Variants in IST1 observed in about 807,000 individuals in gnomAD.
IST1 encodes IST1 homolog.
IST1 carries 23 observed loss-of-function variants against 37.0 expected under a neutral mutation model. The observed-to-expected ratio is 0.62, with a 90% CI of 0.45 to 0.88. The LOEUF (loss-of-function observed/expected upper bound fraction) is 0.88. Among genes scored for constraint, IST1 ranks in the 40% least tolerant of loss-of-function variants. The pLI is 0.00. For missense variants in IST1, 488 were observed against 445.4 expected (o/e 1.10, Z -0.86); for synonymous variants, 180 against 161.7 (o/e 1.11, Z -0.86).
At chr16:71,927,334 C>G (rs772383846) in intron 9 of IST1, among the ~76,000 whole-genome samples, 4 of 151,908 alleles carry the variant, frequency 2.6e-5, no homozygotes, top group Admixed American at 1.3e-4. Flanking sequence ...ACTAAAAATA[C>G]AAAAATTAGC....
At chr16:71,897,133 C>T (rs1443561820) in intron 1 of IST1, among the ~76,000 whole-genome samples, 1 of 150,170 alleles carries the variant, frequency 6.7e-6, no homozygotes, top group African/African-American at 2.4e-5. Flanking sequence ...CCCGCCCCAG[C>T]CTTGGGAGTA....
At chr16:71,918,021 T>C (rs1445925298) in intron 4 of IST1, among the ~76,000 whole-genome samples, 2 of 152,166 alleles carry the variant, frequency 1.3e-5, no homozygotes, top group Admixed American at 1.3e-4. Context: ...CTCGTGTGCA[T>C]GGGTGGGTTT....
intron 6 of IST1, 28 bp from the exon 7 acceptor site, chr16:71,922,446 A>ATGACCTGGGTTTC: frequency 1.9e-6 from 3 of 1,599,776 alleles, no homozygotes; most frequent in Non-Finnish European, 2.6e-6. Flanking sequence ...ACATGGGTTA[A>ATGACCTGGGTTTC]TGACCTGGGT....
intron 9 of IST1, 71 bp from the exon 10 acceptor site, chr16:71,927,543 A>G (rs1050382464): frequency 7.4e-5 from 81 of 1,097,216 alleles, no homozygotes; most frequent in Non-Finnish European, 1.1e-4. Flanking sequence ...TGATCATTTT[A>G]TTTTTACTGC....
Position 71,928,010 on chromosome 16 carries a change from A to G in IST1, c.*197A>G, listed in dbSNP as rs911948299. 12 of 557,314 alleles carry G rather than the reference A, an allele frequency of 2.2e-5. No individual in the cohort carries two copies. The highest frequency in any genetic ancestry group is 3.8e-5 in the African/African-American group (2 of 52,762). 34.5% of individuals were successfully genotyped at this position (557,314 alleles called of 1,614,324 possible). A position where few individuals can be genotyped will look rare whatever the true frequency, so the allele number is the denominator to read the frequency against. ...TTGATCCTGAGACTAACAATTGGAGACTGAGGCCAGAGCAACTGGCTCCTG... is the reference window on the plus strand; with the variant it reads ...TTGATCCTGAGACTAACAATTGGAGGCTGAGGCCAGAGCAACTGGCTCCTG... On this transcript the variant is annotated 3_prime_UTR_variant, in exon 10 of 10. Coordinates refer to ENST00000378799, the MANE Select transcript of IST1 (RefSeq NM_001270975.2).
At chr16:71,909,740 C>G (rs1325588140) in intron 1 of IST1, among the ~76,000 whole-genome samples, 1 of 152,158 alleles carries the variant, frequency 6.6e-6, no homozygotes, top group Non-Finnish European at 1.5e-5. Flanking sequence ...TAAATGAAAA[C>G]TCGAGAATAA....
At chr16:71,907,918 A>T (rs997885817) in intron 1 of IST1, among the ~76,000 whole-genome samples, 2 of 152,140 alleles carry the variant, frequency 1.3e-5, no homozygotes, top group African/African-American at 4.8e-5. Flanking sequence ...AGAAGCAAGG[A>T]TTAGTTCTGA....
chr16:71,914,918 T>C (rs2037435505), intron 1 of IST1, among the ~76,000 whole-genome samples: 1 of 152,202 alleles, frequency 6.6e-6, no homozygotes, highest in Non-Finnish European at 1.5e-5. Flanking sequence ...CCTAAAGTCT[T>C]GCGGGTAGAG....
intron 7 of IST1, 127 bp downstream of exon 7, chr16:71,922,807 G>A: frequency 1.3e-6 from 1 of 743,456 alleles, no homozygotes; most frequent in South Asian, 1.8e-5. Context: ...GGTATTAGCT[G>A]GCAGTCATCT....
rs372077663 is a variant in IST1 at position 71,923,417 on chromosome 16, G to A, written c.852+37G>A. 116 of 1,325,116 alleles carry A rather than the reference G, an allele frequency of 8.8e-5. 1 individual carries two copies. Among genetic ancestry groups the A allele is most frequent in the South Asian group, 1.8e-4 (15 of 84,236 alleles). 82.1% of individuals were successfully genotyped at this position (1,325,116 alleles called of 1,614,324 possible). A position where few individuals can be genotyped will look rare whatever the true frequency, so the allele number is the denominator to read the frequency against. The stretch of plus-strand genomic sequence containing the variant: ...AGCCTCTTTTATAAGCAACAGGAGA[G>A]TGAATGCCATGAAGAGCGAGCAAAA... On this transcript the variant is annotated intron_variant, in intron 8 of 9. Coordinates refer to ENST00000378799, the MANE Select transcript of IST1 (RefSeq NM_001270975.2).
At chr16:71,914,212 G>A (rs1232798820) in intron 1 of IST1, among the ~76,000 whole-genome samples, 2 of 150,448 alleles carry the variant, frequency 1.3e-5, no homozygotes, top group East Asian at 3.9e-4. Flanking sequence ...TCCTCCAGGC[G>A]GGAGTGCACG....
intron 9 of IST1, among the ~76,000 whole-genome samples, chr16:71,926,085 C>T (rs2037735939): frequency 6.6e-6 from 1 of 152,044 alleles, no homozygotes; most frequent in African/African-American, 2.4e-5. Context: ...TGTTCAAGAC[C>T]AGGCTGGTCA....
chr16:71,895,401 T>A (rs369462352), upstream of IST1: 27 of 444,080 alleles, frequency 6.1e-5, 1 homozygote, highest in Admixed American at 9.6e-4. Flanking sequence ...CGAGGGAGGG[T>A]GCCCCGAGTC....
In IST1 at chr16:71,930,169, G is replaced by T. The variant is rs372910718; in HGVS notation, c.*2356G>T. On this transcript the variant is annotated 3_prime_UTR_variant, in exon 10 of 10. Transcript: ENST00000378799. ...GGATCAGAAAGGTGCCCAGGACTGG[G>T]TCTAAAGCGAAAACCTGGGAAAACA... 200 of 1,543,294 alleles carry T rather than the reference G, an allele frequency of 1.3e-4. No individual in the cohort carries two copies. Among genetic ancestry groups the T allele is most frequent in the Non-Finnish European group, 1.6e-4 (188 of 1,144,202 alleles).
intron 1 of IST1, among the ~76,000 whole-genome samples, chr16:71,900,524 G>A (rs2037084524): frequency 2.0e-5 from 3 of 152,022 alleles, no homozygotes; most frequent in South Asian, 2.1e-4. Context: ...TAACTAGCTC[G>A]CGAAGTCTCA....
At chr16:71,927,277 T>G (rs1425584446) in intron 9 of IST1, among the ~76,000 whole-genome samples, 2 of 152,134 alleles carry the variant, frequency 1.3e-5, no homozygotes, top group Non-Finnish European at 2.9e-5. Flanking sequence ...GGTGTGTGGA[T>G]CACTTGAGAT....
At chr16:71,899,880 G>C (rs2037063259) in intron 1 of IST1, among the ~76,000 whole-genome samples, 1 of 151,986 alleles carries the variant, frequency 6.6e-6, no homozygotes, top group African/African-American at 2.4e-5. Flanking sequence ...AAAATTAGCT[G>C]GGTATGGTGG....
At chr16:71,915,904 C>T (rs916479679) in intron 2 of IST1, among the ~76,000 whole-genome samples, 176 bp downstream of exon 2, 3 of 150,312 alleles carry the variant, frequency 2.0e-5, no homozygotes, top group Non-Finnish European at 4.4e-5. Flanking sequence ...GATCTCGGCT[C>T]ACTGCAACCT....
At chr16:71,915,528 A>G in intron 1 of IST1, 98 bp from the exon 2 acceptor site, 1 of 720,564 alleles carries the variant, frequency 1.4e-6, no homozygotes. Context: ...TATTAGAAAA[A>G]CACTCTGTTT....
Sources: allele counts gnomAD v4.1 joint callset (sites outside exome capture counted in the v4.1 genomes callset), GRCh38; gene constraint gnomAD v4.1.1; transcripts MANE v1.5; gene names NCBI Gene and HGNC (gene_info 2026-07-23, HGNC 2026-07-21).